NALF1: variants seen among roughly 807,000 people sequenced by gnomAD.
The protein encoded by NALF1 is family with sequence similarity 155 member A.
In NALF1, 3 loss-of-function variants were observed where a neutral mutation model predicts 48.4. That is an observed-to-expected ratio of 0.06 (90% CI 0.03 to 0.16). The LOEUF (loss-of-function observed/expected upper bound fraction) is 0.16, where lower values mean the gene tolerates loss of function less well. Among genes scored for constraint, NALF1 ranks in the 10% least tolerant of loss-of-function variants. The pLI, the probability that NALF1 is intolerant of heterozygous loss-of-function variation, is 1.00. For missense variants in NALF1, 526 were observed against 571.5 expected (o/e 0.92, Z 0.81); for synonymous variants, 262 against 245.7 (o/e 1.07, Z -0.62).
chr13:107,771,566 G>A (rs1334279451), intron 1 of NALF1, among the ~76,000 whole-genome samples: 2 of 151,076 alleles, frequency 1.3e-5, no homozygotes, highest in Admixed American at 6.6e-5. Context: ...GAACCAGAGC[G>A]ACTCCATTTT....
chr13:107,234,854 T>C (rs1880307786), intron 1 of NALF1, among the ~76,000 whole-genome samples: 1 of 152,204 alleles, frequency 6.6e-6, no homozygotes, highest in Non-Finnish European at 1.5e-5. Flanking sequence ...GTTTGACTGA[T>C]TGACACACAG....
chr13:107,656,327 C>A (rs1880573725), intron 1 of NALF1, among the ~76,000 whole-genome samples: 1 of 151,906 alleles, frequency 6.6e-6, no homozygotes, highest in South Asian at 2.1e-4. Flanking sequence ...CACAAACAAT[C>A]CCATCAAAAA....
chr13:107,556,298 C>T (rs11843078), intron 1 of NALF1, among the ~76,000 whole-genome samples: 2,224 of 103,282 alleles, frequency 0.022, 41 homozygotes, highest in African/African-American at 0.073. Context: ...TATATATATA[C>T]ACACACACAC....
intron 1 of NALF1, among the ~76,000 whole-genome samples, chr13:107,526,129 ACTGT>A (rs1876428327): frequency 1.3e-5 from 2 of 151,962 alleles, no homozygotes; most frequent in Non-Finnish European, 2.9e-5. Context: ...TTTACTTTTA[ACTGT>A]CTTTTTTTAC....
rs925133425 is a variant in NALF1 at position 107,542,025 on chromosome 13, G to A, written c.915+323657C>T. ...CTTCTCTCATTCTTATTGCCTGGAT[G>A]GTCCCTGAAGGCTTTTGAATTTGAT... On this transcript the variant is annotated intron_variant, in intron 1 of 2. Coordinates refer to ENST00000375915, the MANE Select transcript of NALF1 (RefSeq NM_001080396.3). Among the ~76,000 whole-genome samples the A allele has an allele frequency of 5.3e-5, 8 of 151,982 alleles. No homozygotes were observed. The East Asian group carries it at 1.2e-3, about 22-fold the overall frequency.
At chr13:107,541,047 T>C (rs1876984765) in intron 1 of NALF1, among the ~76,000 whole-genome samples, 1 of 152,154 alleles carries the variant, frequency 6.6e-6, no homozygotes. Context: ...AAAACAGCTC[T>C]GACAGCCTCT....
At chr13:107,241,074 A>AAT (rs1478530504) in intron 1 of NALF1, among the ~76,000 whole-genome samples, 1 of 149,018 alleles carries the variant, frequency 6.7e-6, no homozygotes, top group Non-Finnish European at 1.5e-5. Flanking sequence ...AAAAAAAAAA[A>AAT]GCCGAACTAC....
chr13:107,648,167 T>G (rs1334975185), intron 1 of NALF1, among the ~76,000 whole-genome samples: 1 of 152,166 alleles, frequency 6.6e-6, no homozygotes, highest in Non-Finnish European at 1.5e-5. Context: ...AACCGATGAA[T>G]CAATATTGAC....
chr13:107,628,181 T>C (rs1407640680), intron 1 of NALF1, among the ~76,000 whole-genome samples: 1 of 152,054 alleles, frequency 6.6e-6, no homozygotes, highest in East Asian at 1.9e-4. Flanking sequence ...GCCCTTGTAA[T>C]GGACAGTTGA....
chr13:107,726,917 G>C (rs879788441), intron 1 of NALF1, among the ~76,000 whole-genome samples: 21,910 of 103,160 alleles, frequency 0.21, 2,260 homozygotes, highest in Non-Finnish European at 0.25. Flanking sequence ...AAATTCTTGT[G>C]TGTGTGTGTG....
intron 1 of NALF1, among the ~76,000 whole-genome samples, chr13:107,323,539 A>G (rs2138916142): frequency 6.6e-6 from 1 of 152,184 alleles, no homozygotes; most frequent in East Asian, 1.9e-4. Flanking sequence ...TTTTAAAAAC[A>G]CAAATCTGAT....
chr13:107,458,393 G>A (rs183994264), intron 1 of NALF1, among the ~76,000 whole-genome samples: 48 of 152,258 alleles, frequency 3.2e-4, no homozygotes, highest in Admixed American at 2.9e-3. Flanking sequence ...CCACACAGGC[G>A]GAACAGTGTG....
At chr13:107,307,055 TTAA>T (rs769229015) in intron 1 of NALF1, among the ~76,000 whole-genome samples, 1 of 152,246 alleles carries the variant, frequency 6.6e-6, no homozygotes. Flanking sequence ...GTTTCTTTTC[TTAA>T]TAACACGTTT....
At chr13:107,735,441 T>C (rs571699646) in intron 1 of NALF1, among the ~76,000 whole-genome samples, 17 of 152,344 alleles carry the variant, frequency 1.1e-4, no homozygotes, top group African/African-American at 4.1e-4. Flanking sequence ...CGGCTGGCTT[T>C]AGAATGCTGA....
chr13:107,802,981 G>A (rs993374210), intron 1 of NALF1, among the ~76,000 whole-genome samples: 40 of 152,272 alleles, frequency 2.6e-4, no homozygotes, highest in African/African-American at 7.7e-4. Context: ...TCAAGCCTTG[G>A]TCAGCACCCT....
At chr13:107,821,057 C>T (rs999812808) in intron 1 of NALF1, among the ~76,000 whole-genome samples, 32 of 152,216 alleles carry the variant, frequency 2.1e-4, no homozygotes, top group African/African-American at 7.5e-4. Context: ...CTGCCTATGC[C>T]CTTCAGGAAA....
At chr13:107,512,149 C>T (rs1875913168) in intron 1 of NALF1, among the ~76,000 whole-genome samples, 1 of 152,202 alleles carries the variant, frequency 6.6e-6, no homozygotes, top group Non-Finnish European at 1.5e-5. Context: ...AATCCCAGCA[C>T]TTTGGGAGGC....
intron 1 of NALF1, among the ~76,000 whole-genome samples, chr13:107,564,277 G>C (rs1460362470): frequency 6.6e-6 from 1 of 152,026 alleles, no homozygotes; most frequent in East Asian, 1.9e-4. Flanking sequence ...TTATTTTTTT[G>C]TTTGTATATG....
At chr13:107,370,869 A>T (rs1462033730) in intron 1 of NALF1, among the ~76,000 whole-genome samples, 2 of 152,178 alleles carry the variant, frequency 1.3e-5, no homozygotes, top group Non-Finnish European at 2.9e-5. Flanking sequence ...TGCAGAGTGA[A>T]GTGGTGGGGG....
Sources: gnomAD v4.1 joint callset for allele counts (sites outside exome capture counted in the v4.1 genomes callset) on GRCh38, gnomAD v4.1.1 for gene constraint, MANE v1.5 for transcripts, NCBI Gene and HGNC (gene_info 2026-07-23, HGNC 2026-07-21) for gene names.